LARS2: variants seen among roughly 807,000 people sequenced by gnomAD.
LARS2 encodes the protein leucine--tRNA ligase, mitochondrial.
Under a neutral mutation model 116.6 loss-of-function variants are expected in LARS2, and 81 were observed. That is an observed-to-expected ratio of 0.69 (90% CI 0.58 to 0.84). LARS2 has a LOEUF of 0.84. Among genes scored for constraint, LARS2 ranks in the 40% least tolerant of loss-of-function variants. The pLI is 0.00. For missense variants in LARS2, 968 were observed against 1,114.5 expected (o/e 0.87, Z 1.87); for synonymous variants, 396 against 407.2 (o/e 0.97, Z 0.33).
At chr3:45,543,779 A>T (rs955732132) in intron 21 of LARS2, among the ~76,000 whole-genome samples, 5 of 152,154 alleles carry the variant, frequency 3.3e-5, no homozygotes, top group African/African-American at 1.2e-4. Context: ...CCAGAAATTT[A>T]TTTAATTTGA....
At chr3:45,413,417 T>C (rs1051679493) in intron 4 of LARS2, among the ~76,000 whole-genome samples, 1 of 152,262 alleles carries the variant, frequency 6.6e-6, no homozygotes, top group African/African-American at 2.4e-5. Context: ...GGCACCATGC[T>C]AGATGTGCCA....
intron 4 of LARS2, among the ~76,000 whole-genome samples, chr3:45,416,435 C>T (rs1472766502): frequency 5.3e-5 from 8 of 151,940 alleles, no homozygotes; most frequent in East Asian, 3.9e-4. Flanking sequence ...GACTGTGTGC[C>T]GGATTCAGGC....
intron 6 of LARS2, among the ~76,000 whole-genome samples, chr3:45,420,400 G>A (rs577264858): frequency 2.0e-5 from 3 of 152,286 alleles, no homozygotes; most frequent in East Asian, 3.9e-4. Flanking sequence ...TCCACGAAGG[G>A]CCCCTTCCAA....
At chr3:45,460,605 A>C (rs1324423230) in intron 8 of LARS2, among the ~76,000 whole-genome samples, 1 of 152,234 alleles carries the variant, frequency 6.6e-6, no homozygotes, top group Non-Finnish European at 1.5e-5. Context: ...TGTATTGAAA[A>C]AACTGTCTTT....
At chr3:45,431,846 A>G (rs1698720707) in intron 6 of LARS2, among the ~76,000 whole-genome samples, 1 of 152,202 alleles carries the variant, frequency 6.6e-6, no homozygotes, top group African/African-American at 2.4e-5. Context: ...AAATGGCTCA[A>G]AATCTTCAGT....
At position 45,476,618 on chromosome 3, in the gene LARS2, C is replaced by A; in HGVS notation, c.1009C>A (p.Pro337Thr). Residue 337 changes from proline to threonine, a missense_variant, in exon 10 of 22, where the codon CCT becomes ACT. Transcript: ENST00000645846. ...LKEALRMALVPGKDCLTPVMA... is the reference protein window; with the variant it reads ...LKEALRMALVTGKDCLTPVMA... ...GGAAGCCTTGAGGATGGCCCTTGTCCCTGGCAAAGGTGAGCTGGCAAGTTA... is the reference window on the plus strand; with the variant it reads ...GGAAGCCTTGAGGATGGCCCTTGTCACTGGCAAAGGTGAGCTGGCAAGTTA... 6.2e-7 allele frequency: 1 copy of A among 1,614,046 alleles called. No individual in the cohort carries two copies. Among genetic ancestry groups the A allele is most frequent in the Non-Finnish European group, 8.5e-7 (1 of 1,179,954 alleles).
chr3:45,403,112 C>CAAA (rs1160287597), intron 4 of LARS2, among the ~76,000 whole-genome samples: 29 of 85,392 alleles, frequency 3.4e-4, no homozygotes, highest in East Asian at 9.5e-4. Context: ...TCTCCAAAGA[C>CAAA]AAAAAAAAAA....
chr3:45,517,631 T>C (rs1227379808), intron 17 of LARS2, among the ~76,000 whole-genome samples: 1 of 152,208 alleles, frequency 6.6e-6, no homozygotes. Context: ...ACCAAGCTTC[T>C]GAGCTCATGA....
chr3:45,451,128 A>C (rs1414275172), intron 7 of LARS2, among the ~76,000 whole-genome samples: 1 of 151,972 alleles, frequency 6.6e-6, no homozygotes, highest in Admixed American at 6.6e-5. Flanking sequence ...TAATTTGCGA[A>C]TATTTTTTCC....
chr3:45,404,742 C>T (rs535770558), intron 4 of LARS2, among the ~76,000 whole-genome samples: 5 of 152,224 alleles, frequency 3.3e-5, no homozygotes, highest in African/African-American at 1.2e-4. Flanking sequence ...ATTACAAGTA[C>T]ACGCCACCAC....
chr3:45,529,438 A>T lies in LARS2; in HGVS notation c.2404+5330A>T, dbSNP rs568291480. ...GTGGCGCATGCCTGTAATCCCAGCT[A>T]CTCAGGAGGCTGAGGCAGGAGAATC... On this transcript the variant is annotated intron_variant, in intron 20 of 21. Transcript: ENST00000645846. 2.0e-5 allele frequency among the ~76,000 whole-genome samples: 3 copies of T among 151,642 alleles called. No individual in the cohort carries two copies. In the South Asian group the frequency reaches 6.3e-4, roughly 32 times the overall value.
chr3:45,520,918 T>G (rs1700442721), intron 19 of LARS2, among the ~76,000 whole-genome samples: 5 of 152,210 alleles, frequency 3.3e-5, no homozygotes, highest in Admixed American at 3.3e-4. Flanking sequence ...CCAGGCACAG[T>G]GGCTCATGCC....
At position 45,517,922 on chromosome 3, in the gene LARS2, G is replaced by C. The variant is rs758469982; in HGVS notation, c.2064G>C (p.Val688=). Residue 688 remains valine (V), a synonymous_variant, in exon 18 of 22, where the codon GTG becomes GTC. Coordinates refer to ENST00000645846, the MANE Select transcript of LARS2 (RefSeq NM_015340.4). ...WDVKTDALPG[V]LRWQQRLWTL... ...ATTCAGCTGATGCTCTCCCTGGGGT[G>C]CTGAGATGGCAACAACGACTGTGGA... 6.2e-6 allele frequency: 10 copies of C among 1,613,556 alleles called. No individual in the cohort carries two copies. The South Asian group carries it at 1.1e-4, about 18-fold the overall frequency.
chr3:45,441,332 C>T (rs1379902870), intron 6 of LARS2, among the ~76,000 whole-genome samples: 1 of 152,188 alleles, frequency 6.6e-6, no homozygotes, highest in Non-Finnish European at 1.5e-5. Context: ...GCCCATCACA[C>T]ACTGAGTAAA....
chr3:45,438,001 G>A (rs1317356808), intron 6 of LARS2, among the ~76,000 whole-genome samples: 1 of 152,128 alleles, frequency 6.6e-6, no homozygotes, highest in East Asian at 1.9e-4. Context: ...AGGTTAAGGG[G>A]AGAGCAGGAG....
intron 7 of LARS2, among the ~76,000 whole-genome samples, chr3:45,452,213 C>A (rs1428787602): frequency 1.3e-5 from 2 of 152,100 alleles, no homozygotes; most frequent in Non-Finnish European, 2.9e-5. Context: ...GTTAGGACTT[C>A]CAGTACTATG....
At chr3:45,405,219 G>T (rs1335685801) in intron 4 of LARS2, among the ~76,000 whole-genome samples, 1 of 152,078 alleles carries the variant, frequency 6.6e-6, no homozygotes, top group Non-Finnish European at 1.5e-5. Flanking sequence ...CTCCCAAAGG[G>T]CTAGGATTAC....
At chr3:45,449,156 A>ATTT (rs1161349903) in intron 7 of LARS2, among the ~76,000 whole-genome samples, 1,185 of 102,902 alleles carry the variant, frequency 0.012, 26 homozygotes, top group Non-Finnish European at 0.015. Context: ...TTAACTCACT[A>ATTT]TTTTTTTTTT....
At chr3:45,449,408 C>T (rs540111290) in intron 7 of LARS2, among the ~76,000 whole-genome samples, 16 of 152,114 alleles carry the variant, frequency 1.1e-4, no homozygotes, top group Admixed American at 3.9e-4. Context: ...GTGATCTGCC[C>T]GCCTCAGCCT....
Sources: allele counts gnomAD v4.1 joint callset (sites outside exome capture counted in the v4.1 genomes callset), GRCh38; gene constraint gnomAD v4.1.1; transcripts MANE v1.5; gene names NCBI Gene and HGNC (gene_info 2026-07-23, HGNC 2026-07-21).